The following ADAMTS6 variants were observed in gnomAD, a reference collection of about 807,000 sequenced individuals.
The protein encoded by ADAMTS6 is A disintegrin and metalloproteinase with thrombospondin motifs 6.
A neutral mutation model predicts 144.3 loss-of-function variants in ADAMTS6; 23 were observed. The ratio of observed to expected loss-of-function variants is 0.16; its 90% CI spans 0.11 to 0.23. The LOEUF (loss-of-function observed/expected upper bound fraction) is 0.23, where lower values mean the gene tolerates loss of function less well. Ranked by LOEUF, ADAMTS6 falls within the 10% of genes least tolerant of loss-of-function variation. ADAMTS6 has a pLI of 1.00. For synonymous variants in ADAMTS6, 444 were observed against 457.5 expected (o/e 0.97, Z 0.38); for missense variants, 999 against 1,379.6 (o/e 0.72, Z 4.37).
chr5:65,248,849 TAAAC>T (rs996947496), intron 14 of ADAMTS6, among the ~76,000 whole-genome samples: 11 of 152,128 alleles, frequency 7.2e-5, no homozygotes, highest in African/African-American at 1.4e-4. Flanking sequence ...AAGCACAAAA[TAAAC>T]AAACAAGCTC....
rs1046726852 is a variant in ADAMTS6, at chr5:65,327,654, T to G, written c.1223+1724A>C. On this transcript the variant is annotated intron_variant, in intron 9 of 24. Transcript: ENST00000381055. The stretch of plus-strand genomic sequence containing the variant: ...ACAAGCCATTCATTGTAGGAAGAAT[T>G]GAAAGGATTTACCTATAAGGCCAAC... Among the ~76,000 whole-genome samples, 4 of 152,282 alleles carry G rather than the reference T, an allele frequency of 2.6e-5. No homozygotes were observed. In the East Asian group the frequency reaches 7.7e-4, roughly 29 times the overall value.
intron 14 of ADAMTS6, among the ~76,000 whole-genome samples, chr5:65,254,735 A>C (rs1760500526): frequency 6.6e-6 from 1 of 152,218 alleles, no homozygotes; most frequent in Non-Finnish European, 1.5e-5. Flanking sequence ...AATCAAATAG[A>C]AGATAATTTG....
chr5:65,315,112 T>A (rs1744866536), intron 9 of ADAMTS6, among the ~76,000 whole-genome samples: 1 of 152,104 alleles, frequency 6.6e-6, no homozygotes, highest in Admixed American at 6.6e-5. Context: ...AGTAACAATG[T>A]ATTAGTTATT....
intron 22 of ADAMTS6, among the ~76,000 whole-genome samples, chr5:65,180,331 A>AT (rs1346528936): frequency 6.6e-6 from 1 of 152,154 alleles, no homozygotes; most frequent in Non-Finnish European, 1.5e-5. Flanking sequence ...GGATAACACA[A>AT]TTTTTTCAGT....
In ADAMTS6 at chr5:65,462,718, G is replaced by A. The variant is rs938747599; in HGVS notation, c.463-2380C>T. ...TCACAAGGCAGATACTATGCTATGT[G>A]GTAGGGATACAACAGTGAACCAAAG... On this transcript the variant is annotated intron_variant, in intron 3 of 24. Coordinates refer to ENST00000381055, the MANE Select transcript of ADAMTS6 (RefSeq NM_197941.4). 3.3e-5 allele frequency among the ~76,000 whole-genome samples: 5 copies of A among 152,164 alleles called. No individual in the cohort carries two copies. In the South Asian group the frequency reaches 8.3e-4, roughly 25 times the overall value.
chr5:65,390,531 C>T (rs11750491), intron 7 of ADAMTS6, among the ~76,000 whole-genome samples: 16,884 of 152,198 alleles, frequency 0.11, 1,081 homozygotes, highest in African/African-American at 0.15. Flanking sequence ...TGAGTAACAG[C>T]ATAAATTCAG....
At chr5:65,449,907 T>C (rs1479520966) in intron 7 of ADAMTS6, among the ~76,000 whole-genome samples, 1 of 152,160 alleles carries the variant, frequency 6.6e-6, no homozygotes, top group Non-Finnish European at 1.5e-5. Flanking sequence ...CCAATGGAGA[T>C]ATAATAATGC....
chr5:65,333,615 T>G (rs1437301814), intron 8 of ADAMTS6, among the ~76,000 whole-genome samples: 1 of 151,910 alleles, frequency 6.6e-6, no homozygotes, highest in Non-Finnish European at 1.5e-5. Context: ...GTTGTGTTTT[T>G]TTTTTCTTTC....
At chr5:65,418,051 C>G (rs1755687366) in intron 7 of ADAMTS6, among the ~76,000 whole-genome samples, 2 of 151,994 alleles carry the variant, frequency 1.3e-5, no homozygotes, top group African/African-American at 2.4e-5. Flanking sequence ...AATAGAGAAC[C>G]TAGAAATAAA....
At chr5:65,397,065 C>A (rs187223110) in intron 7 of ADAMTS6, among the ~76,000 whole-genome samples, 255 of 152,286 alleles carry the variant, frequency 1.7e-3, no homozygotes, top group African/African-American at 5.5e-3. Context: ...TGAGTTTTAG[C>A]AGACTGTGTC....
intron 7 of ADAMTS6, among the ~76,000 whole-genome samples, chr5:65,356,910 T>A (rs1390038361): frequency 6.6e-6 from 1 of 151,884 alleles, no homozygotes; most frequent in Non-Finnish European, 1.5e-5. Context: ...TTTATTTAGC[T>A]TCTTATTTTA....
At chr5:65,158,275 T>C (rs1169167120) in intron 24 of ADAMTS6, among the ~76,000 whole-genome samples, 1 of 152,174 alleles carries the variant, frequency 6.6e-6, no homozygotes, top group African/African-American at 2.4e-5. Flanking sequence ...TTGACCAAAA[T>C]TCTTGGTTTG....
chr5:65,356,352 G>C (rs1749321314), intron 7 of ADAMTS6, among the ~76,000 whole-genome samples: 1 of 151,704 alleles, frequency 6.6e-6, no homozygotes, highest in African/African-American at 2.4e-5. Context: ...TCAATAGAAA[G>C]ATCCCTAATT....
chr5:65,433,983 T>C (rs778946014), intron 7 of ADAMTS6, among the ~76,000 whole-genome samples: 1 of 152,110 alleles, frequency 6.6e-6, no homozygotes. Context: ...TTTTCCACAA[T>C]AGCTGAAAAG....
At chr5:65,217,851 A>C (rs903953595) in intron 18 of ADAMTS6, among the ~76,000 whole-genome samples, 11 of 152,208 alleles carry the variant, frequency 7.2e-5, no homozygotes, top group Non-Finnish European at 1.5e-4. Flanking sequence ...TTTCATGCTG[A>C]AATAACTGGT....
At chr5:65,182,257 G>T (rs1043272388) in intron 22 of ADAMTS6, among the ~76,000 whole-genome samples, 1 of 151,778 alleles carries the variant, frequency 6.6e-6, no homozygotes, top group Admixed American at 6.6e-5. Context: ...CCACAGCCTG[G>T]CCAACATAGC....
At chr5:65,475,188 G>C (rs1002625478) in intron 1 of ADAMTS6, among the ~76,000 whole-genome samples, 3 of 152,062 alleles carry the variant, frequency 2.0e-5, no homozygotes, top group African/African-American at 7.2e-5. Context: ...CATATAAAAA[G>C]TATTTGTAGT....
intron 7 of ADAMTS6, among the ~76,000 whole-genome samples, chr5:65,411,251 G>T (rs780195690): frequency 1.3e-5 from 2 of 152,078 alleles, no homozygotes; most frequent in African/African-American, 2.4e-5. Context: ...AGTGAACATG[G>T]GAGTGCACGT....
chr5:65,465,854 A>C (rs946656021), intron 3 of ADAMTS6, among the ~76,000 whole-genome samples: 1 of 152,320 alleles, frequency 6.6e-6, no homozygotes, highest in Middle Eastern at 3.4e-3. Flanking sequence ...TGGAATGCCC[A>C]AGGGCTCAGT....
Sources: allele counts gnomAD v4.1 joint callset (sites outside exome capture counted in the v4.1 genomes callset), GRCh38; gene constraint gnomAD v4.1.1; transcripts MANE v1.5; gene names NCBI Gene and HGNC (gene_info 2026-07-23, HGNC 2026-07-21).